SORT1: variants seen among roughly 807,000 people sequenced by gnomAD.
SORT1 encodes sortilin 1.
A neutral mutation model predicts 101.7 loss-of-function variants in SORT1; 39 were observed. The ratio of observed to expected loss-of-function variants is 0.38; its 90% CI spans 0.30 to 0.50. SORT1 has a LOEUF of 0.50. Ranked by LOEUF, SORT1 falls within the 20% of genes least tolerant of loss-of-function variation. The pLI, the probability that SORT1 is intolerant of heterozygous loss-of-function variation, is 0.90. For synonymous variants in SORT1, 396 were observed against 393.7 expected (o/e 1.01, Z -0.07); for missense variants, 878 against 1,040.4 (o/e 0.84, Z 2.15).
chr1:109,316,048 C>T (rs887602924), intron 17 of SORT1, among the ~76,000 whole-genome samples: 9 of 152,086 alleles, frequency 5.9e-5, no homozygotes, highest in Admixed American at 2.6e-4. Context: ...AGGAGTAAGC[C>T]ACCATGCCCG....
At chr1:109,386,726 G>A (rs1652593202) in intron 1 of SORT1, among the ~76,000 whole-genome samples, 1 of 152,136 alleles carries the variant, frequency 6.6e-6, no homozygotes, top group African/African-American at 2.4e-5. Flanking sequence ...AAAGCAATAT[G>A]CACATAATAA....
chr1:109,355,170 G>A (rs76506899), intron 4 of SORT1, among the ~76,000 whole-genome samples, 197 bp downstream of exon 4: 4 of 152,260 alleles, frequency 2.6e-5, no homozygotes, highest in Admixed American at 6.5e-5. Flanking sequence ...GCAGCGAGCC[G>A]TGACGGTATC....
intron 2 of SORT1, among the ~76,000 whole-genome samples, chr1:109,369,105 G>A (rs921930477): frequency 1.3e-5 from 2 of 152,148 alleles, no homozygotes; most frequent in African/African-American, 4.8e-5. Context: ...TGGATCACCT[G>A]AGGTCAGGCG....
At chr1:109,391,300 C>T (rs999944460) in intron 1 of SORT1, among the ~76,000 whole-genome samples, 1 of 152,150 alleles carries the variant, frequency 6.6e-6, no homozygotes, top group Non-Finnish European at 1.5e-5. Context: ...AATGTGAAAT[C>T]CATGCTATGT....
chr1:109,379,034 T>C (rs528831781), intron 1 of SORT1, among the ~76,000 whole-genome samples: 1 of 151,294 alleles, frequency 6.6e-6, no homozygotes, highest in Admixed American at 6.6e-5. Context: ...GCCCAGCTAC[T>C]GAGGAGGCTG....
intron 18 of SORT1, 96 bp from the exon 19 acceptor site, chr1:109,314,480 G>T: frequency 7.1e-7 from 1 of 1,418,084 alleles, no homozygotes; most frequent in Non-Finnish European, 9.7e-7. Context: ...ACTCAGGAAC[G>T]CATCACAGAC....
At chr1:109,394,809 G>A (rs1175259806) in intron 1 of SORT1, among the ~76,000 whole-genome samples, 1 of 152,162 alleles carries the variant, frequency 6.6e-6, no homozygotes, top group Non-Finnish European at 1.5e-5. Context: ...AGAAATAAGA[G>A]AACCATGAAC....
At chr1:109,334,687 C>T (rs1436816379) in intron 11 of SORT1, among the ~76,000 whole-genome samples, 3 of 152,074 alleles carry the variant, frequency 2.0e-5, no homozygotes, top group African/African-American at 7.2e-5. Flanking sequence ...ACCACACACA[C>T]AAAAGATAAT....
At chr1:109,325,624 G>A (rs943139077) in intron 13 of SORT1, among the ~76,000 whole-genome samples, 6 of 152,124 alleles carry the variant, frequency 3.9e-5, no homozygotes, top group African/African-American at 1.4e-4. Context: ...TACCTTTACA[G>A]AAATTATTTC....
intron 1 of SORT1, among the ~76,000 whole-genome samples, chr1:109,388,704 C>T (rs1479071261): frequency 6.6e-6 from 1 of 152,128 alleles, no homozygotes; most frequent in Non-Finnish European, 1.5e-5. Context: ...AAGAAATCCT[C>T]AACAAAAGAA....
intron 3 of SORT1, among the ~76,000 whole-genome samples, chr1:109,365,484 C>A (rs61797117): frequency 6.6e-6 from 1 of 152,122 alleles, no homozygotes; most frequent in Non-Finnish European, 1.5e-5. Flanking sequence ...ATTTTTCTCT[C>A]CCCAAATAGG....
chr1:109,377,545 A>G (rs1651942278), intron 1 of SORT1, among the ~76,000 whole-genome samples: 2 of 152,198 alleles, frequency 1.3e-5, no homozygotes, highest in African/African-American at 4.8e-5. Flanking sequence ...GTGTTCTTAG[A>G]TGTTCACACA....
chr1:109,350,295 A>T (rs1044590456), intron 6 of SORT1, among the ~76,000 whole-genome samples: 1 of 152,222 alleles, frequency 6.6e-6, no homozygotes, highest in Non-Finnish European at 1.5e-5. Flanking sequence ...TCTCCAAATA[A>T]GCCTCCTTTC....
intron 14 of SORT1, 116 bp downstream of exon 14, chr1:109,324,783 C>A (rs1208621066): frequency 1.5e-6 from 1 of 676,096 alleles, no homozygotes; most frequent in East Asian, 2.7e-5. Context: ...TCTGTCAATC[C>A]TCTTTCATAT....
chr1:109,352,136 G>A (rs1014808974), intron 5 of SORT1, among the ~76,000 whole-genome samples: 5 of 152,088 alleles, frequency 3.3e-5, no homozygotes, highest in African/African-American at 1.2e-4. Context: ...AGAGTAGGGA[G>A]GAAGCTCAGT....
chr1:109,340,571 C>T (rs1649141280), intron 10 of SORT1, among the ~76,000 whole-genome samples, 153 bp downstream of exon 10: 1 of 150,610 alleles, frequency 6.6e-6, no homozygotes, highest in African/African-American at 2.5e-5. Context: ...AGACATATTG[C>T]CACAATAAAA....
chr1:109,395,813 G>A (rs990502353), intron 1 of SORT1, among the ~76,000 whole-genome samples: 3 of 152,086 alleles, frequency 2.0e-5, no homozygotes, highest in African/African-American at 7.2e-5. Flanking sequence ...AGTGGCTCAC[G>A]CCTCTAATCT....
At chr1:109,394,588 A>C (rs765517152) in intron 1 of SORT1, among the ~76,000 whole-genome samples, 20 of 152,218 alleles carry the variant, frequency 1.3e-4, no homozygotes, top group Non-Finnish European at 1.6e-4. Flanking sequence ...TTGAGAAGAC[A>C]GGTTAAATGC....
At chr1:109,356,141 G>C (rs1372363237) in intron 3 of SORT1, among the ~76,000 whole-genome samples, 2 of 152,158 alleles carry the variant, frequency 1.3e-5, no homozygotes, top group African/African-American at 4.8e-5. Flanking sequence ...CAAAGTGCTG[G>C]GATTACAGGC....
Sources: allele counts gnomAD v4.1 joint callset (sites outside exome capture counted in the v4.1 genomes callset), GRCh38; gene constraint gnomAD v4.1.1; transcripts MANE v1.5; gene names NCBI Gene and HGNC (gene_info 2026-07-23, HGNC 2026-07-21).